Variants in PLXDC1 observed in about 807,000 individuals in gnomAD.
PLXDC1 encodes plexin domain-containing protein 1.
In PLXDC1, 39 loss-of-function variants were observed where a neutral mutation model predicts 61.3. The observed-to-expected ratio is 0.64, with a 90% CI of 0.49 to 0.83. PLXDC1 has a LOEUF of 0.83. Among genes scored for constraint, PLXDC1 ranks in the 40% least tolerant of loss-of-function variants. The probability of loss-of-function intolerance (pLI) is 0.00; values close to 1 mark genes in which losing one functional copy is unlikely to be tolerated. For synonymous variants in PLXDC1, 212 were observed against 254.5 expected (o/e 0.83, Z 1.59); for missense variants, 596 against 666.5 (o/e 0.89, Z 1.17).
At chr17:39,110,502 AG>A (rs1200419012) in intron 2 of PLXDC1, among the ~76,000 whole-genome samples, 1 of 152,194 alleles carries the variant, frequency 6.6e-6, no homozygotes, top group Non-Finnish European at 1.5e-5. Context: ...AGAGCCAGAG[AG>A]GGGCGATGTG....
At chr17:39,108,356 C>G (rs1264212062) in intron 4 of PLXDC1, 111 bp from the exon 5 acceptor site, 1 of 1,152,194 alleles carries the variant, frequency 8.7e-7, no homozygotes, top group Non-Finnish European at 1.3e-6. Context: ...GGAAGTGAGC[C>G]TGAGACCTCT....
At chr17:39,128,163 G>GTA (rs768519527) in intron 2 of PLXDC1, among the ~76,000 whole-genome samples, 55 of 24,320 alleles carry the variant, frequency 2.3e-3, no homozygotes, top group South Asian at 6.3e-3. Flanking sequence ...GTATATATAT[G>GTA]TATATATATG....
chr17:39,108,702 G>A, intron 4 of PLXDC1: 2 of 594,792 alleles, frequency 3.4e-6, no homozygotes, highest in South Asian at 1.9e-5. Context: ...ACACGTGCAG[G>A]CACATGAGCA....
chr17:39,081,963 G>T (rs1375276979), intron 9 of PLXDC1, among the ~76,000 whole-genome samples: 1 of 152,188 alleles, frequency 6.6e-6, no homozygotes, highest in Non-Finnish European at 1.5e-5. Context: ...AAAACTGCTT[G>T]AGGAGTTTAA....
chr17:39,069,827 G>A (rs1909042096), intron 13 of PLXDC1, 29 bp downstream of exon 13: 1 of 1,597,268 alleles, frequency 6.3e-7, no homozygotes, highest in African/African-American at 1.3e-5. Context: ...GAAGCAGACA[G>A]GAGCCCTGTG....
intron 2 of PLXDC1, among the ~76,000 whole-genome samples, chr17:39,123,012 T>C (rs1911213048): frequency 6.6e-6 from 1 of 152,192 alleles, no homozygotes; most frequent in African/African-American, 2.4e-5. Context: ...CGTGAAGCGC[T>C]CCTCAGACCC....
In PLXDC1 at chr17:39,118,023, C is replaced by T. The variant is rs182862064; in HGVS notation, c.256-8632G>A. ...GCAATGAAAGCTATTGCCACCTACC[C>T]GCGGCGTTCTAGAGCCAGTCCTTTT... On this transcript the variant is annotated intron_variant, in intron 2 of 13. Transcript: ENST00000315392. Among the ~76,000 whole-genome samples the T allele has an allele frequency of 6.1e-3, 930 of 152,068 alleles. 12 individuals carry two copies. The highest frequency in any genetic ancestry group is 0.017 in the Middle Eastern group (5 of 294).
intron 8 of PLXDC1, among the ~76,000 whole-genome samples, chr17:39,083,775 C>T (rs1179012067): frequency 2.6e-5 from 4 of 152,060 alleles, no homozygotes; most frequent in Non-Finnish European, 4.4e-5. Flanking sequence ...CTGATCATGG[C>T]TCACTATAGC....
chr17:39,111,062 G>T (rs1451799761), intron 2 of PLXDC1, among the ~76,000 whole-genome samples: 1 of 152,126 alleles, frequency 6.6e-6, no homozygotes, highest in African/African-American at 2.4e-5. Context: ...TGGCATGCAA[G>T]ATCCCACCAT....
intron 7 of PLXDC1, among the ~76,000 whole-genome samples, chr17:39,097,999 T>A (rs1910279568): frequency 6.7e-6 from 1 of 149,976 alleles, no homozygotes; most frequent in African/African-American, 2.5e-5. Context: ...GAGGTCAGAG[T>A]TCAGGACCAG....
At chr17:39,077,024 C>T (rs1040614072) in intron 11 of PLXDC1, among the ~76,000 whole-genome samples, 3 of 152,086 alleles carry the variant, frequency 2.0e-5, no homozygotes, top group African/African-American at 7.2e-5. Context: ...TGAGCCACCG[C>T]GCCCGGCCAA....
At chr17:39,101,740 A>AT (rs1910427323) in intron 7 of PLXDC1, among the ~76,000 whole-genome samples, 1 of 152,176 alleles carries the variant, frequency 6.6e-6, no homozygotes, top group African/African-American at 2.4e-5. Flanking sequence ...CCCAAGTAGA[A>AT]GCAGCAAAAA....
chr17:39,112,457 CTT>C (rs11448360), intron 2 of PLXDC1, among the ~76,000 whole-genome samples: 5 of 121,106 alleles, frequency 4.1e-5, no homozygotes, highest in Admixed American at 9.7e-5. Context: ...TTTTTTCTTT[CTT>C]TTTTTTTTTT....
At chr17:39,121,079 G>A (rs559049948) in intron 2 of PLXDC1, among the ~76,000 whole-genome samples, 11 of 151,800 alleles carry the variant, frequency 7.2e-5, no homozygotes, top group Middle Eastern at 6.9e-3. Context: ...GGACTCAAGC[G>A]ATCCTCTCAC....
At chr17:39,137,348 A>C (rs1763835554) in intron 2 of PLXDC1, 1 of 152,246 alleles carries the variant, frequency 6.6e-6, no homozygotes, top group Non-Finnish European at 1.5e-5. Context: ...TGAAGTCAGG[A>C]GTTTGAGACC....
intron 6 of PLXDC1, 117 bp from the exon 7 acceptor site, chr17:39,106,070 A>G: frequency 1.6e-6 from 1 of 632,232 alleles, no homozygotes; most frequent in East Asian, 2.9e-5. Context: ...GAGGACTCCA[A>G]GACATTGGAA....
intron 8 of PLXDC1, among the ~76,000 whole-genome samples, chr17:39,085,082 A>G (rs916060891): frequency 6.6e-6 from 1 of 152,264 alleles, no homozygotes; most frequent in Non-Finnish European, 1.5e-5. Flanking sequence ...CATTTGATCA[A>G]CATTGCATGT....
intron 9 of PLXDC1, chr17:39,079,474 C>T: frequency 2.0e-6 from 1 of 493,864 alleles, no homozygotes; most frequent in Non-Finnish European, 4.0e-6. Context: ...TGCCGTGACA[C>T]TGCTGAGAAT....
intron 7 of PLXDC1, among the ~76,000 whole-genome samples, chr17:39,098,037 C>G (rs547183521): frequency 6.6e-6 from 1 of 151,522 alleles, no homozygotes; most frequent in Non-Finnish European, 1.5e-5. Flanking sequence ...AACCCCGTCT[C>G]TGCTAAAAAA....
Sources: gnomAD v4.1 joint callset for allele counts (sites outside exome capture counted in the v4.1 genomes callset) on GRCh38, gnomAD v4.1.1 for gene constraint, MANE v1.5 for transcripts, NCBI Gene and HGNC (gene_info 2026-07-23, HGNC 2026-07-21) for gene names.